Variants in OXSR1 observed in about 807,000 individuals in gnomAD.
OXSR1 encodes the protein serine/threonine-protein kinase OSR1.
A neutral mutation model predicts 79.8 loss-of-function variants in OXSR1; 24 were observed. That is an observed-to-expected ratio of 0.30 (90% confidence interval 0.22 to 0.42). The LOEUF is 0.42. Among genes scored for constraint, OXSR1 ranks in the 10% least tolerant of loss-of-function variants. The pLI is 1.00. For missense variants in OXSR1, 430 were observed against 618.4 expected, an observed-to-expected ratio of 0.70 and a Z score of 3.23; for synonymous variants, 226 against 209.2, an observed-to-expected ratio of 1.08 and a Z score of -0.69.
In OXSR1 at chr3:38,216,992, A is replaced by G. The variant is rs140284543; in HGVS notation, c.490+841A>G. Among the ~76,000 whole-genome samples, 191 of 152,342 alleles carry G rather than the reference A, an allele frequency of 1.3e-3. 1 individual carries two copies. Among genetic ancestry groups the G allele is most frequent in the Non-Finnish European group, 2.2e-3 (152 of 68,028 alleles). ...ATGGTTTATTACTATTAACAGAGTA[A>G]AAGGGTAAACCACAGAGTAGAGAAG... On this transcript the variant is annotated intron_variant, in intron 5 of 17. Transcript: ENST00000311806.
intron 10 of OXSR1, among the ~76,000 whole-genome samples, chr3:38,234,272 CTT>C (rs922220132): frequency 1.4e-4 from 22 of 152,124 alleles, no homozygotes; most frequent in Admixed American, 1.0e-3. Context: ...AAAATTAAGA[CTT>C]TTGTGCTTCA....
chr3:38,173,775 C>G (rs192724081), intron 1 of OXSR1, among the ~76,000 whole-genome samples: 201 of 152,278 alleles, frequency 1.3e-3, no homozygotes, highest in Middle Eastern at 3.4e-3. Context: ...GTGCCAGGCA[C>G]TGTTCTGGAT....
Position 38,218,473 on chromosome 3 carries a change from A to G in OXSR1, c.490+2322A>G, listed in dbSNP as rs184248368. Among the ~76,000 whole-genome samples, 381 of 152,186 alleles carry G rather than the reference A, an allele frequency of 2.5e-3. 1 individual carries two copies. Among genetic ancestry groups the G allele is most frequent in the Non-Finnish European group, 4.3e-3 (295 of 68,004 alleles). On this transcript the variant is annotated intron_variant, in intron 5 of 17. Transcript: ENST00000311806. ...GGCCATTTGTATATCTTCTTTGGAGAAATGACTCCTTAATTCCTTTGCCCA... is the reference window on the plus strand; with the variant it reads ...GGCCATTTGTATATCTTCTTTGGAGGAATGACTCCTTAATTCCTTTGCCCA...
At chr3:38,192,986 A>G (rs1377256057) in intron 3 of OXSR1, among the ~76,000 whole-genome samples, 6 of 152,370 alleles carry the variant, frequency 3.9e-5, no homozygotes, top group African/African-American at 1.2e-4. Context: ...CAGAGAGACT[A>G]TAAACAACAT....
intron 4 of OXSR1, among the ~76,000 whole-genome samples, chr3:38,210,511 T>TG (rs1702363926): frequency 6.6e-6 from 1 of 152,152 alleles, no homozygotes; most frequent in Non-Finnish European, 1.5e-5. Context: ...GAGAATCTCA[T>TG]GGGGCTGTAG....
intron 4 of OXSR1, among the ~76,000 whole-genome samples, chr3:38,215,573 T>TA (rs1702467153): frequency 6.6e-6 from 1 of 152,218 alleles, no homozygotes; most frequent in Non-Finnish European, 1.5e-5. Context: ...AGAGAGTACT[T>TA]AGACTTGAGA....
At chr3:38,250,552 A>G (rs941582202) in intron 15 of OXSR1, among the ~76,000 whole-genome samples, 4 of 152,132 alleles carry the variant, frequency 2.6e-5, no homozygotes, top group African/African-American at 9.7e-5. Context: ...TGGCTGTTGA[A>G]CTTCACCTTG....
rs457661 is a variant in OXSR1, at chr3:38,165,885, G to A, written c.9G>A (p.Glu3=). 6 of 1,611,154 alleles carry A rather than the reference G, an allele frequency of 3.7e-6. No homozygotes were observed. The highest frequency in any genetic ancestry group is 3.4e-6 in the Non-Finnish European group (4 of 1,179,372). Reference sequence around the variant, plus strand: ...GAGCCGCTGCCGCCGTCATGTCCGAGGACTCGAGCGCCCTGCCCTGGTCCA... The same window carrying A: ...GAGCCGCTGCCGCCGTCATGTCCGAAGACTCGAGCGCCCTGCCCTGGTCCA... The part of the protein sequence containing the change: MS[E]DSSALPWSIN... The change falls in exon 1 of 18, where the codon GAG becomes GAA. Residue 3 remains glutamate, a synonymous_variant. Coordinates refer to ENST00000311806, the MANE Select transcript of OXSR1 (RefSeq NM_005109.3).
intron 2 of OXSR1, among the ~76,000 whole-genome samples, chr3:38,185,466 A>G (rs1205343205): frequency 1.3e-5 from 2 of 152,088 alleles, no homozygotes; most frequent in Admixed American, 1.3e-4. Flanking sequence ...CACGCCTGTA[A>G]TTCCAGTTAC....
chr3:38,169,303 TTTTG>T (rs1045348220), intron 1 of OXSR1, among the ~76,000 whole-genome samples: 3 of 151,904 alleles, frequency 2.0e-5, no homozygotes, highest in Admixed American at 6.6e-5. Flanking sequence ...TTGTTTTTTT[TTTTG>T]TTTGTTTGTT....
chr3:38,180,112 T>G (rs904431275), intron 1 of OXSR1, among the ~76,000 whole-genome samples: 1 of 152,022 alleles, frequency 6.6e-6, no homozygotes, highest in Admixed American at 6.6e-5. Context: ...CCAGCCTGAT[T>G]TTTGTATTTT....
chr3:38,174,631 TAAGGGCAC>T (rs993947474), intron 1 of OXSR1, among the ~76,000 whole-genome samples: 6 of 152,068 alleles, frequency 3.9e-5, no homozygotes, highest in Non-Finnish European at 8.8e-5. Context: ...AATAGTTTTA[TAAGGGCAC>T]AAGGGTGGAA....
intron 4 of OXSR1, among the ~76,000 whole-genome samples, chr3:38,214,661 C>T (rs1315615632): frequency 6.6e-6 from 1 of 152,168 alleles, no homozygotes; most frequent in Non-Finnish European, 1.5e-5. Flanking sequence ...AGCAGGCTGG[C>T]CTGCACTCTA....
At chr3:38,177,596 GT>G (rs1701697837) in intron 1 of OXSR1, among the ~76,000 whole-genome samples, 1 of 150,532 alleles carries the variant, frequency 6.6e-6, no homozygotes, top group Non-Finnish European at 1.5e-5. Flanking sequence ...TTTCTTTTTT[GT>G]TTTTTTAGGC....
intron 1 of OXSR1, among the ~76,000 whole-genome samples, chr3:38,169,090 C>T (rs1214392009): frequency 6.6e-6 from 1 of 152,118 alleles, no homozygotes; most frequent in Non-Finnish European, 1.5e-5. Flanking sequence ...TATAAGAGTT[C>T]TTGTTTCTCT....
At chr3:38,174,753 G>C (rs1701648052) in intron 1 of OXSR1, among the ~76,000 whole-genome samples, 1 of 152,182 alleles carries the variant, frequency 6.6e-6, no homozygotes, top group African/African-American at 2.4e-5. Context: ...TGTTGGATTA[G>C]ATGTGAGAGA....
Position 38,190,880 on chromosome 3 carries a change from G to T in OXSR1, c.292+41G>T, listed in dbSNP as rs547038875. 204 of 1,104,056 alleles carry T rather than the reference G, an allele frequency of 1.8e-4. 8 individuals carry two copies. The South Asian group carries it at 2.4e-3, about 13-fold the overall frequency. 68.4% of individuals were successfully genotyped at this position (1,104,056 alleles called of 1,614,324 possible). The stretch of plus-strand genomic sequence containing the variant: ...GGAAATGCTATAAGTACCATGGTTT[G>T]AAAAGTTAGTAAAAGTTTCCTTCTT... On this transcript the variant is annotated intron_variant, in intron 3 of 17. Coordinates refer to ENST00000311806, the MANE Select transcript of OXSR1 (RefSeq NM_005109.3).
intron 1 of OXSR1, among the ~76,000 whole-genome samples, chr3:38,181,871 T>G (rs1701793822): frequency 6.6e-6 from 1 of 151,794 alleles, no homozygotes; most frequent in African/African-American, 2.4e-5. Context: ...GGTTATTATG[T>G]TAGGAGACTT....
At chr3:38,202,206 G>A (rs910868285) in intron 4 of OXSR1, among the ~76,000 whole-genome samples, 2 of 152,218 alleles carry the variant, frequency 1.3e-5, no homozygotes, top group African/African-American at 2.4e-5. Flanking sequence ...GACCCAGGTA[G>A]AGTGGAGGAC....
Sources: gnomAD v4.1 joint callset for allele counts (sites outside exome capture counted in the v4.1 genomes callset) on GRCh38, gnomAD v4.1.1 for gene constraint, MANE v1.5 for transcripts, NCBI Gene and HGNC (gene_info 2026-07-23, HGNC 2026-07-21) for gene names.